FRMD6: variants seen among roughly 807,000 people sequenced by gnomAD.
The protein encoded by FRMD6 is FERM domain containing 6, also known as FERM domain-containing protein 6.
Under a neutral mutation model 73.2 loss-of-function variants are expected in FRMD6, and 37 were observed. That is an observed-to-expected ratio of 0.51 (90% CI 0.39 to 0.66). The LOEUF is 0.66. Among genes scored for constraint, FRMD6 ranks in the 30% least tolerant of loss-of-function variants. FRMD6 has a pLI of 0.00. For missense variants in FRMD6, 714 were observed against 780.5 expected (o/e 0.91, Z 1.02); for synonymous variants, 273 against 282.2 (o/e 0.97, Z 0.33).
intron 2 of FRMD6, among the ~76,000 whole-genome samples, chr14:51,617,998 T>C (rs910297817): frequency 3.9e-5 from 6 of 152,118 alleles, no homozygotes; most frequent in Non-Finnish European, 7.4e-5. Context: ...CCAGAACATA[T>C]GTGATATCTG....
At chr14:51,700,535 G>A (rs182085885) in intron 3 of FRMD6, among the ~76,000 whole-genome samples, 5 of 152,006 alleles carry the variant, frequency 3.3e-5, no homozygotes, top group African/African-American at 9.7e-5. Context: ...TGTGGAACAC[G>A]GACAAGAAAT....
intron 2 of FRMD6, among the ~76,000 whole-genome samples, chr14:51,603,762 A>C (rs995232643): frequency 2.6e-5 from 4 of 152,188 alleles, no homozygotes; most frequent in Non-Finnish European, 5.9e-5. Flanking sequence ...GAGTTCTCAA[A>C]TAAGGAAAAT....
chr14:51,573,064 T>C (rs919703838), intron 2 of FRMD6, among the ~76,000 whole-genome samples: 3 of 152,236 alleles, frequency 2.0e-5, no homozygotes, highest in South Asian at 2.1e-4. Context: ...TAGACATTGG[T>C]TCTTCAGACA....
chr14:51,450,718 C>T, the FRMD6 span, among the ~76,000 whole-genome samples: 24 of 152,116 alleles, frequency 1.6e-4, no homozygotes, highest in South Asian at 2.1e-4. Flanking sequence ...AATAAAAAGC[C>T]ATCATTTGGG....
At chr14:51,704,128 C>T (rs1336490056) in intron 5 of FRMD6, among the ~76,000 whole-genome samples, 1 of 151,948 alleles carries the variant, frequency 6.6e-6, no homozygotes, top group African/African-American at 2.4e-5. Flanking sequence ...ATGTAACATT[C>T]ACTTCAAAAA....
chr14:51,708,170 T>G lies in FRMD6; in HGVS notation c.651T>G (p.Leu217=). Residue 217 remains leucine, a synonymous_variant, in exon 7 of 14, where the codon CTT becomes CTG. Transcript: ENST00000344768. ...QFALTASEAH[L]KYIKEAVRLD... is the part of the protein sequence containing the mutation. ...CACTAACAGCTTCCGAAGCTCATCT[T>G]AAATATATCAAAGAGGCTGTCCGAC... is the stretch of plus-strand genomic sequence containing the variant. 6.2e-7 allele frequency: 1 copy of G among 1,613,298 alleles called. No homozygotes were observed. Among genetic ancestry groups the G allele is most frequent in the Non-Finnish European group, 8.5e-7 (1 of 1,179,472 alleles).
At chr14:51,418,523 TG>T in the FRMD6 span, among the ~76,000 whole-genome samples, 2 of 152,338 alleles carry the variant, frequency 1.3e-5, no homozygotes, top group Admixed American at 1.3e-4. Context: ...CAGCAAGTAT[TG>T]CTGCCTGATC....
At chr14:51,507,595 C>T (rs1271051503) in intron 1 of FRMD6, among the ~76,000 whole-genome samples, 4 of 152,134 alleles carry the variant, frequency 2.6e-5, no homozygotes, top group Admixed American at 2.6e-4. Context: ...CTAAATAAAA[C>T]CTAGTGGGGA....
At chr14:51,437,029 C>T in the FRMD6 span, 7 of 546,020 alleles carry the variant, frequency 1.3e-5, no homozygotes, top group Non-Finnish European at 2.2e-5. Flanking sequence ...GATACATGTG[C>T]ACAACGTGCA....
At chr14:51,721,645 G>A (rs1566597987) in intron 11 of FRMD6, among the ~76,000 whole-genome samples, 1 of 133,254 alleles carries the variant, frequency 7.5e-6, no homozygotes, top group African/African-American at 2.9e-5. Context: ...GAGGGAGGGA[G>A]GGAAGGAAGG....
chr14:51,600,290 G>T (rs1458316314), intron 2 of FRMD6, among the ~76,000 whole-genome samples: 1 of 151,988 alleles, frequency 6.6e-6, no homozygotes, highest in East Asian at 1.9e-4. Context: ...TCCCTTCATT[G>T]AGTAACATTT....
intron 1 of FRMD6, among the ~76,000 whole-genome samples, chr14:51,672,181 A>G (rs1002692375): frequency 1.3e-5 from 2 of 152,214 alleles, no homozygotes; most frequent in African/African-American, 4.8e-5. Context: ...TCAGGGCAAC[A>G]GTTTTTTGGG....
At chr14:51,705,432 T>C (rs1036608361) in intron 6 of FRMD6, among the ~76,000 whole-genome samples, 1 of 152,110 alleles carries the variant, frequency 6.6e-6, no homozygotes, top group African/African-American at 2.4e-5. Flanking sequence ...TCAGCTGCGC[T>C]TTCTCCACTC....
rs998217959 is a variant in FRMD6 at position 51,628,104 on chromosome 14, A to G, written c.-147+57694A>G. 4.6e-5 allele frequency among the ~76,000 whole-genome samples: 7 copies of G among 152,218 alleles called. No homozygotes were observed. In the East Asian group the frequency reaches 1.3e-3, roughly 29 times the overall value. On this transcript the variant is annotated intron_variant, in intron 2 of 14. Transcript: ENST00000356218. ...AGTATAGATGCAATTTTTTTTCCAA[A>G]CATTTTTCATCTGTAGTAAGTTGAA...
intron 10 of FRMD6, among the ~76,000 whole-genome samples, chr14:51,716,593 C>T (rs1454696350): frequency 1.3e-5 from 2 of 152,210 alleles, no homozygotes; most frequent in African/African-American, 4.8e-5. Context: ...CAAAAATTCT[C>T]TGTCAATCCA....
the FRMD6 span, among the ~76,000 whole-genome samples, chr14:51,447,548 C>A: frequency 2.6e-3 from 399 of 152,296 alleles, 2 homozygotes; most frequent in African/African-American, 9.1e-3. Context: ...TGGAGCACCT[C>A]CCCTCAGGGC....
chr14:51,459,690 G>A, the FRMD6 span, among the ~76,000 whole-genome samples: 1 of 152,014 alleles, frequency 6.6e-6, no homozygotes, highest in South Asian at 2.1e-4. Context: ...AGCCGGGCGT[G>A]GTGGCGGGTG....
At chr14:51,475,465 C>T in the FRMD6 span, among the ~76,000 whole-genome samples, 596 of 152,312 alleles carry the variant, frequency 3.9e-3, 3 homozygotes, top group Non-Finnish European at 6.6e-3. Context: ...GTGTTCTTAG[C>T]CCCAGGTTCT....
intron 4 of FRMD6, among the ~76,000 whole-genome samples, chr14:51,701,736 T>C (rs1166180195): frequency 6.6e-6 from 1 of 151,580 alleles, no homozygotes; most frequent in Non-Finnish European, 1.5e-5. Flanking sequence ...ATAACTTTAG[T>C]AATCTTGGAA....
Sources: allele counts gnomAD v4.1 joint callset (sites outside exome capture counted in the v4.1 genomes callset), GRCh38; gene constraint gnomAD v4.1.1; transcripts MANE v1.5; gene names NCBI Gene and HGNC (gene_info 2026-07-23, HGNC 2026-07-21).